Variants in MALRD1 observed in about 807,000 individuals in gnomAD.
MALRD1 encodes the protein MAM and LDL-receptor class A domain-containing protein 1.
In MALRD1, 247 loss-of-function variants were observed where a neutral mutation model predicts 242.1. The observed-to-expected ratio is 1.02, with a 90% CI of 0.92 to 1.13. The LOEUF is 1.13. Among genes scored for constraint, MALRD1 ranks in the 50% most tolerant of loss-of-function variants. The pLI, the probability that MALRD1 is intolerant of heterozygous loss-of-function variation, is 0.00. For synonymous variants in MALRD1, 995 were observed against 866.6 expected (o/e 1.15, Z -2.60); for missense variants, 2,989 against 2,533.1 (o/e 1.18, Z -3.86).
intron 13 of MALRD1, among the ~76,000 whole-genome samples, chr10:19,167,722 A>T (rs1385077475): frequency 6.6e-6 from 1 of 152,128 alleles, no homozygotes; most frequent in Non-Finnish European, 1.5e-5. Context: ...GGCTCCCAAT[A>T]GTGGGTGTTG....
chr10:19,589,002 C>T (rs988944231), intron 33 of MALRD1, among the ~76,000 whole-genome samples: 7 of 152,216 alleles, frequency 4.6e-5, no homozygotes, highest in African/African-American at 1.7e-4. Context: ...TGTTTATGTG[C>T]TTGTCACATT....
intron 2 of MALRD1, 112 bp from the exon 3 acceptor site, chr10:19,087,728 G>T (rs1835720054): frequency 4.3e-6 from 2 of 460,508 alleles, no homozygotes; most frequent in Middle Eastern, 3.3e-4. Flanking sequence ...AGTTATTTTT[G>T]AATGTACAGT....
chr10:19,123,351 G>A (rs1418371150), intron 5 of MALRD1, 141 bp from the exon 6 acceptor site: 4 of 390,970 alleles, frequency 1.0e-5, no homozygotes, highest in Non-Finnish European at 1.8e-5. Context: ...AAGAGATAGG[G>A]TTACCTAAAG....
chr10:19,629,244 C>T (rs1839806902), intron 36 of MALRD1, among the ~76,000 whole-genome samples: 1 of 152,166 alleles, frequency 6.6e-6, no homozygotes, highest in African/African-American at 2.4e-5. Context: ...CCTGTTGACT[C>T]ATCCAGGGAG....
At chr10:19,701,741 C>CCCCTCCCTTCCTCTCCCTTCCCCTT (rs1833641460) in intron 38 of MALRD1, among the ~76,000 whole-genome samples, 1 of 125,850 alleles carries the variant, frequency 7.9e-6, no homozygotes, top group Non-Finnish European at 1.7e-5. Context: ...CCCTTCCCCT[C>CCCCTCCCTTCCTCTCCCTTCCCCTT]CCCTCCCTTC....
intron 24 of MALRD1, among the ~76,000 whole-genome samples, chr10:19,336,882 A>T (rs1843636774): frequency 6.6e-6 from 1 of 152,166 alleles, no homozygotes; most frequent in Middle Eastern, 3.2e-3. Context: ...AAAGAAAAAT[A>T]AAGACAAAAC....
intron 11 of MALRD1, among the ~76,000 whole-genome samples, chr10:19,148,103 G>C (rs10763873): frequency 0.37 from 55,776 of 152,014 alleles, 10,669 homozygotes; most frequent in Admixed American, 0.43. Flanking sequence ...AAGGGCTGTT[G>C]TGTCTGAGAT....
intron 33 of MALRD1, among the ~76,000 whole-genome samples, chr10:19,593,757 T>C (rs1262404751): frequency 6.6e-6 from 1 of 152,206 alleles, no homozygotes; most frequent in Non-Finnish European, 1.5e-5. Context: ...CCCAAACCTT[T>C]GCTGCAGAAA....
chr10:19,352,390 A>G (rs1844426995), intron 26 of MALRD1, 93 bp downstream of exon 26: 3 of 1,105,218 alleles, frequency 2.7e-6, no homozygotes, highest in Non-Finnish European at 3.8e-6. Flanking sequence ...ATAAACACCT[A>G]GTAATTTATC....
At chr10:19,067,473 A>G (rs1048454254) in intron 2 of MALRD1, among the ~76,000 whole-genome samples, 6 of 152,158 alleles carry the variant, frequency 3.9e-5, no homozygotes, top group Non-Finnish European at 8.8e-5. Flanking sequence ...AAGAGGTAAC[A>G]CATTTCCTTG....
intron 17 of MALRD1, among the ~76,000 whole-genome samples, 192 bp from the exon 18 acceptor site, chr10:19,209,076 T>C (rs1478614995): frequency 1.3e-5 from 2 of 152,194 alleles, no homozygotes; most frequent in Non-Finnish European, 2.9e-5. Context: ...ATATTATTAA[T>C]TGATATATCA....
chr10:19,124,043 CAAAAAAA>C (rs71387044), intron 6 of MALRD1, among the ~76,000 whole-genome samples: 4 of 87,284 alleles, frequency 4.6e-5, no homozygotes, highest in Admixed American at 1.2e-4. Flanking sequence ...TCATCTCTAC[CAAAAAAA>C]AAAAAAAAAA....
At chr10:19,661,349 A>G (rs1322487948) in intron 36 of MALRD1, among the ~76,000 whole-genome samples, 4 of 152,198 alleles carry the variant, frequency 2.6e-5, no homozygotes, top group Non-Finnish European at 2.9e-5. Context: ...TGTTTATTGC[A>G]GCACTATTCA....
chr10:19,534,405 A>C (rs1464675889), intron 32 of MALRD1, among the ~76,000 whole-genome samples: 1 of 152,192 alleles, frequency 6.6e-6, no homozygotes, highest in Non-Finnish European at 1.5e-5. Context: ...TTCCATTAGC[A>C]TGCTTTTCTT....
At chr10:19,558,924 C>T (rs1304979919) in intron 32 of MALRD1, among the ~76,000 whole-genome samples, 2 of 151,966 alleles carry the variant, frequency 1.3e-5, no homozygotes, top group Non-Finnish European at 2.9e-5. Flanking sequence ...TGGCTCACAC[C>T]TGTAATCCCA....
intron 36 of MALRD1, among the ~76,000 whole-genome samples, chr10:19,624,049 AC>A (rs147339667): frequency 0.013 from 1,979 of 152,268 alleles, 19 homozygotes; most frequent in East Asian, 0.036. Context: ...AGAAACACAC[AC>A]TTTGCTAATT....
At chr10:19,707,733 T>C (rs568444872) in intron 38 of MALRD1, among the ~76,000 whole-genome samples, 1 of 123,804 alleles carries the variant, frequency 8.1e-6, no homozygotes, top group East Asian at 2.4e-4. Context: ...AAGACCACTT[T>C]AGGCCTGGAG....
intron 18 of MALRD1, 61 bp from the exon 19 acceptor site, chr10:19,257,623 C>A: frequency 8.0e-7 from 1 of 1,244,590 alleles, no homozygotes; most frequent in Non-Finnish European, 1.1e-6. Context: ...CATTCCATAA[C>A]TTAATTTCCT....
chr10:19,457,422 A>G lies in MALRD1; in HGVS notation c.5029+6932A>G, dbSNP rs577341982. On this transcript the variant is annotated intron_variant, in intron 29 of 39. Coordinates refer to ENST00000454679, the MANE Select transcript of MALRD1 (RefSeq NM_001142308.3). ...AAGGGACAACAGAAAATTAGGGTTC[A>G]TCATTAAGCTGGTCCCCCAAGGCTC... Among the ~76,000 whole-genome samples the G allele has an allele frequency of 2.0e-5, 3 of 152,212 alleles. No individual in the cohort carries two copies. The East Asian group carries it at 5.8e-4, about 30-fold the overall frequency.
Sources: gnomAD v4.1 joint callset for allele counts (sites outside exome capture counted in the v4.1 genomes callset) on GRCh38, gnomAD v4.1.1 for gene constraint, MANE v1.5 for transcripts, NCBI Gene and HGNC (gene_info 2026-07-23, HGNC 2026-07-21) for gene names.